CCDC7: variants seen among roughly 807,000 people sequenced by gnomAD.
The protein encoded by CCDC7 is coiled-coil domain containing 7, also known as coiled-coil domain-containing protein 7.
Under a neutral mutation model 196.9 loss-of-function variants are expected in CCDC7, and 183 were observed. The ratio of observed to expected loss-of-function variants is 0.93; its 90% CI spans 0.82 to 1.05. The LOEUF is 1.05. Ranked by LOEUF, CCDC7 falls within the 50% of genes least tolerant of loss-of-function variation. CCDC7 has a pLI of 0.00. For synonymous variants in CCDC7, 525 were observed against 484.6 expected, an observed-to-expected ratio of 1.08 and a Z score of -1.10; for missense variants, 1,540 against 1,482.2, an observed-to-expected ratio of 1.04 and a Z score of -0.64.
intron 30 of CCDC7, among the ~76,000 whole-genome samples, chr10:32,811,895 G>A (rs560518249): frequency 2.6e-5 from 4 of 152,180 alleles, no homozygotes; most frequent in South Asian, 4.1e-4. Context: ...TCTATCCCAC[G>A]GATGTAAGGG....
chr10:32,757,275 C>G (rs966567387), intron 28 of CCDC7, among the ~76,000 whole-genome samples: 2 of 152,112 alleles, frequency 1.3e-5, no homozygotes, highest in Non-Finnish European at 2.9e-5. Context: ...GCAGAAATCT[C>G]CCCCCGAAAT....
At chr10:32,826,290 T>A (rs541268368) in intron 32 of CCDC7, among the ~76,000 whole-genome samples, 1 of 152,294 alleles carries the variant, frequency 6.6e-6, no homozygotes, top group South Asian at 2.1e-4. Context: ...TTTGAAGAAC[T>A]TGGAGTCCAA....
At chr10:32,700,865 T>C (rs1267290944) in intron 24 of CCDC7, among the ~76,000 whole-genome samples, 2 of 152,228 alleles carry the variant, frequency 1.3e-5, no homozygotes, top group Admixed American at 6.5e-5. Context: ...TTGTCTGTTA[T>C]TGGTATATAA....
chr10:32,621,837 A>C (rs1057084258), intron 18 of CCDC7, among the ~76,000 whole-genome samples: 1 of 152,174 alleles, frequency 6.6e-6, no homozygotes, highest in Non-Finnish European at 1.5e-5. Context: ...ACCTGTCCAC[A>C]TTGGTAAGGG....
intron 41 of CCDC7, 109 bp from the exon 43 acceptor site, chr10:32,876,238 T>G: frequency 1.3e-6 from 1 of 777,628 alleles, no homozygotes; most frequent in Non-Finnish European, 2.1e-6. Context: ...TTTTCATTGT[T>G]TATATTATTC....
At chr10:32,813,651 G>T (rs2087671751) in intron 30 of CCDC7, among the ~76,000 whole-genome samples, 1 of 152,150 alleles carries the variant, frequency 6.6e-6, no homozygotes, top group Admixed American at 6.5e-5. Flanking sequence ...CATACCTACA[G>T]GTTGGGTATA....
intron 29 of CCDC7, among the ~76,000 whole-genome samples, chr10:32,803,234 G>T (rs2085154812): frequency 6.6e-6 from 1 of 152,200 alleles, no homozygotes; most frequent in African/African-American, 2.4e-5. Context: ...TGGAGGAAAT[G>T]TTCTGTAAAT....
intron 8 of CCDC7, among the ~76,000 whole-genome samples, chr10:32,489,036 A>T (rs535780358): frequency 6.6e-6 from 1 of 152,298 alleles, no homozygotes; most frequent in East Asian, 1.9e-4. Flanking sequence ...AGCCTGACAG[A>T]ATTCTTCTAA....
At chr10:32,834,670 TTTACTAATTCATCTTC>T in intron 32 of CCDC7, 129 bp from the exon 34 acceptor site, 1 of 354,242 alleles carries the variant, frequency 2.8e-6, no homozygotes, top group Non-Finnish European at 5.2e-6. Context: ...CTTTTTTTTT[TTTACTAATTCATCTTC>T]TTTAATGACT....
intron 28 of CCDC7, among the ~76,000 whole-genome samples, chr10:32,763,270 A>C (rs1023816112): frequency 6.6e-6 from 1 of 151,944 alleles, no homozygotes; most frequent in African/African-American, 2.4e-5. Context: ...AAGATGCTCA[A>C]CATCACTAAT....
At chr10:32,675,993 G>C (rs1377467461) in intron 21 of CCDC7, among the ~76,000 whole-genome samples, 1 of 151,384 alleles carries the variant, frequency 6.6e-6, no homozygotes, top group Non-Finnish European at 1.5e-5. Context: ...TATACTACAA[G>C]GCTACAGTAA....
At chr10:32,647,433 C>T (rs1038322245) in intron 20 of CCDC7, among the ~76,000 whole-genome samples, 3 of 18,116 alleles carry the variant, frequency 1.7e-4, no homozygotes, top group East Asian at 1.7e-3. Flanking sequence ...AGGTTGAGCC[C>T]TGGGGGGTAG....
chr10:32,805,415 A>G (rs1000251182), intron 30 of CCDC7, among the ~76,000 whole-genome samples: 1 of 152,244 alleles, frequency 6.6e-6, no homozygotes, highest in African/African-American at 2.4e-5. Context: ...TTAGATAGAA[A>G]GTTACTTTAA....
At chr10:32,591,216 T>G (rs2059751661) in intron 18 of CCDC7, among the ~76,000 whole-genome samples, 1 of 152,088 alleles carries the variant, frequency 6.6e-6, no homozygotes. Flanking sequence ...CTTGTAGGCA[T>G]GCTTCATTGT....
At position 32,456,181 on chromosome 10, in the gene CCDC7, T is replaced by A. The variant is rs1431119362; in HGVS notation, c.373-70T>A. On this transcript the variant is annotated intron_variant, in intron 2 of 41. Coordinates refer to ENST00000639629, the Ensembl canonical transcript of CCDC7. ...ATTAAAATTTTTCAAAAAGTAAATA[T>A]GCTAGAAAAAGACAGACATGCATAT... The A allele has an allele frequency of 3.8e-6, 5 of 1,331,832 alleles. No homozygotes were observed. The African/African-American group carries it at 7.5e-5, about 20-fold the overall frequency. 82.5% of individuals were successfully genotyped at this position (1,331,832 alleles called of 1,614,324 possible). A position where few individuals can be genotyped will look rare whatever the true frequency, so the allele number is the denominator to read the frequency against.
At chr10:32,646,909 G>A (rs1289586022) in intron 20 of CCDC7, among the ~76,000 whole-genome samples, 3 of 152,116 alleles carry the variant, frequency 2.0e-5, no homozygotes, top group East Asian at 1.9e-4. Flanking sequence ...CAAAGGACAC[G>A]ATCTCATTCT....
intron 26 of CCDC7, among the ~76,000 whole-genome samples, chr10:32,728,623 T>G (rs2083458259): frequency 6.6e-6 from 1 of 152,214 alleles, no homozygotes; most frequent in African/African-American, 2.4e-5. Flanking sequence ...TAAATTATCA[T>G]GTATTATGTA....
chr10:32,671,111 A>G (rs1043800928), intron 21 of CCDC7, among the ~76,000 whole-genome samples: 6 of 152,180 alleles, frequency 3.9e-5, no homozygotes, highest in South Asian at 2.1e-4. Flanking sequence ...GTGTAACCCA[A>G]GTGTACAGTG....
intron 33 of CCDC7, among the ~76,000 whole-genome samples, chr10:32,841,586 C>T (rs143340896): frequency 6.6e-6 from 1 of 152,182 alleles, no homozygotes; most frequent in East Asian, 1.9e-4. Flanking sequence ...ATACCAACAT[C>T]ATTCTTCACA....
Sources: gnomAD v4.1 joint callset for allele counts (sites outside exome capture counted in the v4.1 genomes callset) on GRCh38, gnomAD v4.1.1 for gene constraint, MANE v1.5 for transcripts, NCBI Gene and HGNC (gene_info 2026-07-23, HGNC 2026-07-21) for gene names.